The following DPP10 variants were observed in gnomAD, a reference collection of about 807,000 sequenced individuals.
DPP10 encodes dipeptidyl peptidase like 10.
Under a neutral mutation model 120.9 loss-of-function variants are expected in DPP10, and 33 were observed. That is an observed-to-expected ratio of 0.27 (90% CI 0.21 to 0.37). The LOEUF is 0.37. Among genes scored for constraint, DPP10 ranks in the 10% least tolerant of loss-of-function variants. The probability of loss-of-function intolerance (pLI) is 1.00; values close to 1 mark genes in which losing one functional copy is unlikely to be tolerated. For synonymous variants in DPP10, 337 were observed against 326.1 expected, an observed-to-expected ratio of 1.03 and a Z score of -0.36; for missense variants, 816 against 942.8, an observed-to-expected ratio of 0.87 and a Z score of 1.76.
At chr2:115,206,801 G>T (rs1451735395) in intron 1 of DPP10, among the ~76,000 whole-genome samples, 2 of 152,158 alleles carry the variant, frequency 1.3e-5, no homozygotes. Flanking sequence ...ATATTAAATG[G>T]TAATGGTAAG....
chr2:114,464,589 G>A (rs1365477512), intron 1 of DPP10, among the ~76,000 whole-genome samples: 1 of 152,116 alleles, frequency 6.6e-6, no homozygotes, highest in Non-Finnish European at 1.5e-5. Context: ...ACAGAACAAA[G>A]GTTTTTAATT....
At chr2:115,440,823 C>G (rs1476891350) in intron 3 of DPP10, 1 of 143,988 alleles carries the variant, frequency 6.9e-6, no homozygotes, top group African/African-American at 2.9e-5. Context: ...GACAGGAACT[C>G]AAGGCTTTAT....
chr2:114,936,353 GTA>G (rs1297473201), intron 1 of DPP10, among the ~76,000 whole-genome samples: 2 of 151,088 alleles, frequency 1.3e-5, no homozygotes, highest in East Asian at 1.9e-4. Flanking sequence ...GTTCGATAGT[GTA>G]TATATATATG....
chr2:115,324,991 A>T (rs899785253), intron 2 of DPP10, among the ~76,000 whole-genome samples: 1 of 152,122 alleles, frequency 6.6e-6, no homozygotes, highest in African/African-American at 2.4e-5. Flanking sequence ...TTATGCTCTT[A>T]TGTGGTCATG....
At chr2:115,725,973 G>T (rs1271176533) in intron 7 of DPP10, among the ~76,000 whole-genome samples, 1 of 152,146 alleles carries the variant, frequency 6.6e-6, no homozygotes, top group African/African-American at 2.4e-5. Context: ...CTTCTATCCA[G>T]TGTTAGGGAA....
intron 1 of DPP10, among the ~76,000 whole-genome samples, chr2:114,572,304 G>A (rs547873084): frequency 2.0e-5 from 3 of 152,272 alleles, no homozygotes; most frequent in South Asian, 2.1e-4. Context: ...TTACCTAGAT[G>A]AGTATGAAAA....
At chr2:115,840,024 G>A (rs537403832) in intron 24 of DPP10, among the ~76,000 whole-genome samples, 12 of 152,112 alleles carry the variant, frequency 7.9e-5, no homozygotes, top group African/African-American at 2.9e-4. Flanking sequence ...CTGAGACTGT[G>A]CCCTAGTAAT....
At chr2:114,728,041 T>C (rs1676513341) in intron 1 of DPP10, among the ~76,000 whole-genome samples, 1 of 152,186 alleles carries the variant, frequency 6.6e-6, no homozygotes, top group Admixed American at 6.5e-5. Flanking sequence ...ACTGTGTAAA[T>C]AATAATCAGT....
chr2:114,807,781 C>A (rs1684858570), intron 1 of DPP10, among the ~76,000 whole-genome samples: 1 of 152,156 alleles, frequency 6.6e-6, no homozygotes, highest in African/African-American at 2.4e-5. Flanking sequence ...TTCATAGATT[C>A]TGTGGGTTGG....
At chr2:115,138,189 AT>A (rs970296292) in intron 1 of DPP10, among the ~76,000 whole-genome samples, 14 of 149,752 alleles carry the variant, frequency 9.3e-5, no homozygotes, top group African/African-American at 2.0e-4. Context: ...AAGCTTATCA[AT>A]TTTTTTTTTA....
intron 1 of DPP10, among the ~76,000 whole-genome samples, chr2:115,039,113 A>G (rs892052774): frequency 6.6e-6 from 1 of 152,204 alleles, no homozygotes; most frequent in African/African-American, 2.4e-5. Flanking sequence ...AGCAGAATGC[A>G]CAACGGCAGA....
chr2:115,642,847 A>G (rs989611369), intron 5 of DPP10, among the ~76,000 whole-genome samples: 6 of 151,990 alleles, frequency 3.9e-5, no homozygotes, highest in African/African-American at 1.4e-4. Flanking sequence ...GTTTAAACAT[A>G]TAGATATATA....
At chr2:115,615,053 C>T (rs1271890767) in intron 5 of DPP10, among the ~76,000 whole-genome samples, 2 of 151,952 alleles carry the variant, frequency 1.3e-5, no homozygotes, top group East Asian at 1.9e-4. Context: ...TACAAGCCAA[C>T]AAAATATTTG....
chr2:115,527,153 C>G (rs531077083), intron 5 of DPP10, among the ~76,000 whole-genome samples: 145 of 152,122 alleles, frequency 9.5e-4, no homozygotes, highest in African/African-American at 3.3e-3. Context: ...GTAATGAAGA[C>G]TGGAACTGGC....
chr2:115,076,605 T>C (rs1707817448), intron 1 of DPP10, among the ~76,000 whole-genome samples: 1 of 152,250 alleles, frequency 6.6e-6, no homozygotes, highest in Non-Finnish European at 1.5e-5. Flanking sequence ...TACATTACAC[T>C]ACATGTAACA....
intron 1 of DPP10, among the ~76,000 whole-genome samples, chr2:114,933,655 T>C (rs911001610): frequency 6.6e-6 from 1 of 152,030 alleles, no homozygotes; most frequent in African/African-American, 2.4e-5. Context: ...ACAGCAACAA[T>C]AAAAAGTATC....
chr2:115,185,240 T>C (rs576318736), intron 1 of DPP10, among the ~76,000 whole-genome samples: 16 of 84,316 alleles, frequency 1.9e-4, no homozygotes, highest in African/African-American at 4.7e-4. Flanking sequence ...GAAGGTTTTT[T>C]GTTTCTTTTT....
chr2:114,882,227 T>A (rs1349494777), intron 1 of DPP10, among the ~76,000 whole-genome samples: 1 of 152,060 alleles, frequency 6.6e-6, no homozygotes, highest in Non-Finnish European at 1.5e-5. Context: ...AGAAGCACAA[T>A]TAGCATTTGC....
chr2:114,732,227 C>G (rs1375695467), intron 1 of DPP10, among the ~76,000 whole-genome samples: 2 of 152,166 alleles, frequency 1.3e-5, no homozygotes, highest in African/African-American at 4.8e-5. Context: ...AGTTCTAGAC[C>G]TCCTGAAGTT....
Sources: gnomAD v4.1 joint callset for allele counts (sites outside exome capture counted in the v4.1 genomes callset) on GRCh38, gnomAD v4.1.1 for gene constraint, MANE v1.5 for transcripts, NCBI Gene and HGNC (gene_info 2026-07-23, HGNC 2026-07-21) for gene names.